MTFR1: variants seen among roughly 807,000 people sequenced by gnomAD.
MTFR1 encodes the protein chondrocyte protein with a poly-proline region.
In MTFR1, 28 loss-of-function variants were observed where a neutral mutation model predicts 38.8. That is an observed-to-expected ratio of 0.72 (90% CI 0.53 to 0.99). The LOEUF (loss-of-function observed/expected upper bound fraction) is 0.99. Among genes scored for constraint, MTFR1 ranks in the 50% least tolerant of loss-of-function variants. MTFR1 has a pLI of 0.00. For synonymous variants in MTFR1, 145 were observed against 137.0 expected (o/e 1.06, Z -0.41); for missense variants, 358 against 395.5 (o/e 0.91, Z 0.81).
intron 3 of MTFR1, among the ~76,000 whole-genome samples, chr8:65,770,300 T>C (rs1585902175): frequency 1.3e-5 from 2 of 152,206 alleles, no homozygotes; most frequent in South Asian, 2.1e-4. Flanking sequence ...AAAAAGAGGT[T>C]TGATGGACTC....
At chr8:65,732,702 G>A (rs1395819534) in intron 3 of MTFR1, among the ~76,000 whole-genome samples, 1 of 152,128 alleles carries the variant, frequency 6.6e-6, no homozygotes, top group East Asian at 1.9e-4. Flanking sequence ...TTGTAGAGAT[G>A]GGATCTTGCT....
intron 3 of MTFR1, among the ~76,000 whole-genome samples, chr8:65,759,523 C>CA (rs915752366): frequency 6.6e-6 from 1 of 152,056 alleles, no homozygotes; most frequent in African/African-American, 2.4e-5. Flanking sequence ...GCTGTCCTGC[C>CA]AAAAAACAGT....
At chr8:65,776,494 G>T in the MTFR1 span, among the ~76,000 whole-genome samples, 1 of 152,060 alleles carries the variant, frequency 6.6e-6, no homozygotes, top group Non-Finnish European at 1.5e-5. Flanking sequence ...TAGGAAAGAA[G>T]AAAAACTGGC....
intron 4 of MTFR1, among the ~76,000 whole-genome samples, chr8:65,696,984 CTT>C (rs572196375): frequency 1.2e-4 from 13 of 111,202 alleles, no homozygotes; most frequent in Middle Eastern, 5.1e-3. Context: ...TTGGGACTGG[CTT>C]TTTTTTTTTT....
chr8:65,650,781 T>C (rs1809100856), intron 1 of MTFR1, among the ~76,000 whole-genome samples: 1 of 152,224 alleles, frequency 6.6e-6, no homozygotes, highest in South Asian at 2.1e-4. Flanking sequence ...CAGATATTGC[T>C]TCAATATACT....
At chr8:65,681,671 G>GTTTTTT (rs200580429) in intron 2 of MTFR1, among the ~76,000 whole-genome samples, 26 of 108,250 alleles carry the variant, frequency 2.4e-4, no homozygotes, top group Non-Finnish European at 3.0e-4. Flanking sequence ...TGTTGTTTTT[G>GTTTTTT]TTTTTTTTTT....
intron 3 of MTFR1, among the ~76,000 whole-genome samples, chr8:65,751,419 G>GC (rs140273742): frequency 4.0e-5 from 6 of 151,740 alleles, no homozygotes; most frequent in African/African-American, 1.5e-4. Context: ...CCACTCTCAA[G>GC]CCCTACCCCA....
intron 1 of MTFR1, among the ~76,000 whole-genome samples, chr8:65,661,548 T>G (rs1809414751): frequency 6.6e-6 from 1 of 152,098 alleles, no homozygotes; most frequent in Non-Finnish European, 1.5e-5. Context: ...TGAGAATCGC[T>G]TGAACCTGGG....
At chr8:65,651,316 C>CT (rs1809116852) in intron 1 of MTFR1, among the ~76,000 whole-genome samples, 1 of 151,990 alleles carries the variant, frequency 6.6e-6, no homozygotes, top group African/African-American at 2.4e-5. Flanking sequence ...CTCATTTGTC[C>CT]TTTTTTTGCT....
chr8:65,699,006 G>A (rs1373792297), intron 4 of MTFR1, among the ~76,000 whole-genome samples: 5 of 152,192 alleles, frequency 3.3e-5, no homozygotes, highest in African/African-American at 9.7e-5. Flanking sequence ...GGGATTATAG[G>A]TGTGAGCTAC....
intron 3 of MTFR1, chr8:65,765,501 A>AAG: frequency 1.4e-5 from 2 of 146,640 alleles, no homozygotes; most frequent in African/African-American, 2.6e-5. Context: ...AAAAAAAAAA[A>AAG]AAAAAAAAAA....
downstream of MTFR1, among the ~76,000 whole-genome samples, chr8:65,713,050 G>T (rs1287783107): frequency 6.6e-6 from 1 of 152,192 alleles, no homozygotes; most frequent in African/African-American, 2.4e-5. Context: ...GAATGTCTTG[G>T]CAAAGACTTA....
intron 1 of MTFR1, 56 bp from the exon 2 acceptor site, chr8:65,669,817 G>T: frequency 1.3e-6 from 1 of 766,300 alleles, no homozygotes; most frequent in South Asian, 1.6e-5. Context: ...CATGTAGACA[G>T]TACAAATTCT....
rs1032328936 is a variant in MTFR1, at chr8:65,705,043, C to T, written c.517+114C>T. 1.4e-5 allele frequency: 13 copies of T among 930,376 alleles called. No homozygotes were observed. The African/African-American group carries it at 2.2e-4, about 15-fold the overall frequency. 57.6% of individuals were successfully genotyped at this position (930,376 alleles called of 1,614,324 possible). A position where few individuals can be genotyped will look rare whatever the true frequency, so the allele number is the denominator to read the frequency against. On this transcript the variant is annotated intron_variant, in intron 5 of 7. Transcript: ENST00000262146. Reference sequence around the variant, plus strand: ...TTGGGGTTCTTAGAAAACCAGGTGTCATCCAGGTACGGTGGCGCATGCCTG... The same window carrying T: ...TTGGGGTTCTTAGAAAACCAGGTGTTATCCAGGTACGGTGGCGCATGCCTG...
At chr8:65,768,309 T>C (rs1338656270) in intron 3 of MTFR1, among the ~76,000 whole-genome samples, 1 of 152,148 alleles carries the variant, frequency 6.6e-6, no homozygotes, top group Non-Finnish European at 1.5e-5. Flanking sequence ...CCCACCCAAA[T>C]CTCATCTTGA....
In MTFR1 at chr8:65,770,160, T is replaced by C. The variant is rs1043847505; in HGVS notation, c.*49-787T>C. ...GTGTGTGTGTGTGTGTGTGTGTGTG[T>C]GTGCCACACCTAATTCTTTTTTCTG... On this transcript the variant is annotated intron_variant, in intron 3 of 3. Transcript: ENST00000521247. 2.4e-3 allele frequency among the ~76,000 whole-genome samples: 329 copies of C among 138,444 alleles called. 1 individual carries two copies. The highest frequency in any genetic ancestry group is 8.4e-3 in the African/African-American group (306 of 36,348). The allele number at this position is 138,444 out of a possible 152,430, so 90.8% of individuals were successfully genotyped here.
At chr8:65,776,722 G>A in the MTFR1 span, among the ~76,000 whole-genome samples, 4 of 152,008 alleles carry the variant, frequency 2.6e-5, no homozygotes, top group Admixed American at 6.6e-5. Context: ...CTCCCACTAC[G>A]TACTGACTTT....
intron 3 of MTFR1, among the ~76,000 whole-genome samples, chr8:65,763,036 T>TGTGC (rs1563494870): frequency 1.4e-5 from 2 of 145,616 alleles, no homozygotes; most frequent in Admixed American, 1.4e-4. Context: ...TGTGTGTGTG[T>TGTGC]GTATAAAATG....
At chr8:65,653,413 G>T (rs1310988607) in intron 1 of MTFR1, among the ~76,000 whole-genome samples, 2 of 152,146 alleles carry the variant, frequency 1.3e-5, no homozygotes, top group African/African-American at 4.8e-5. Context: ...TCGGGAGGCT[G>T]AGGCCCAAGA....
Sources: allele counts gnomAD v4.1 joint callset (sites outside exome capture counted in the v4.1 genomes callset), GRCh38; gene constraint gnomAD v4.1.1; transcripts MANE v1.5; gene names NCBI Gene and HGNC (gene_info 2026-07-23, HGNC 2026-07-21).